Variants in DISC1 observed in about 807,000 individuals in gnomAD.
The protein encoded by DISC1 is DISC1 scaffold protein.
DISC1 carries 57 observed loss-of-function variants against 84.5 expected under a neutral mutation model. The observed-to-expected ratio is 0.67, with a 90% confidence interval of 0.55 to 0.84. The LOEUF is 0.84. DISC1 is among the 40% of genes least tolerant of loss of function. The pLI is 0.00. For synonymous variants in DISC1, 411 were observed against 415.2 expected, an observed-to-expected ratio of 0.99 and a Z score of 0.12; for missense variants, 1,000 against 1,057.8, an observed-to-expected ratio of 0.95 and a Z score of 0.76.
chr1:231,804,785 T>G (rs1269001060), intron 8 of DISC1, among the ~76,000 whole-genome samples: 1 of 152,108 alleles, frequency 6.6e-6, no homozygotes, highest in African/African-American at 2.4e-5. Flanking sequence ...TCAGAGTTGG[T>G]TAGGACCAGG....
At chr1:231,723,352 A>G in intron 3 of DISC1, 1 of 985,890 alleles carries the variant, frequency 1.0e-6, no homozygotes, top group Non-Finnish European at 1.2e-6. Flanking sequence ...TCCTGCAGGA[A>G]GACCTGTAAA....
intron 9 of DISC1, chr1:231,818,791 C>G: frequency 7.9e-7 from 1 of 1,271,288 alleles, no homozygotes; most frequent in Non-Finnish European, 1.0e-6. Context: ...TTATTTAGAG[C>G]AGTCTCTCCC....
chr1:231,814,148 G>A (rs2080634634), intron 8 of DISC1, among the ~76,000 whole-genome samples: 1 of 152,154 alleles, frequency 6.6e-6, no homozygotes, highest in Non-Finnish European at 1.5e-5. Flanking sequence ...TGCCTGCTAA[G>A]TAACAATAAA....
At chr1:231,910,622 G>A (rs566677452) in intron 9 of DISC1, among the ~76,000 whole-genome samples, 211 of 152,268 alleles carry the variant, frequency 1.4e-3, no homozygotes, top group African/African-American at 4.8e-3. Flanking sequence ...GAATAAGTGC[G>A]ATGTGGTGCT....
chr1:231,910,631 C>T (rs921625410), intron 9 of DISC1, among the ~76,000 whole-genome samples: 7 of 152,154 alleles, frequency 4.6e-5, no homozygotes, highest in Admixed American at 2.6e-4. Context: ...CGATGTGGTG[C>T]TGAGAAGAAT....
At chr1:231,887,121 A>G (rs978349772) in intron 9 of DISC1, among the ~76,000 whole-genome samples, 4 of 151,862 alleles carry the variant, frequency 2.6e-5, no homozygotes, top group African/African-American at 9.7e-5. Context: ...CAGCCTCCCA[A>G]AGTGCTGGGA....
chr1:231,950,100 C>CTT (rs934197699), intron 9 of DISC1, among the ~76,000 whole-genome samples: 1 of 151,928 alleles, frequency 6.6e-6, no homozygotes, highest in Non-Finnish European at 1.5e-5. Flanking sequence ...TGGATTGGGG[C>CTT]TTGTTTTAAA....
At chr1:231,782,167 A>G (rs201305347) in intron 6 of DISC1, among the ~76,000 whole-genome samples, 1 of 152,188 alleles carries the variant, frequency 6.6e-6, no homozygotes, top group Non-Finnish European at 1.5e-5. Flanking sequence ...CTCTTTGGCA[A>G]ATTTCCTCAG....
At chr1:231,968,826 A>G (rs989990176) in intron 10 of DISC1, among the ~76,000 whole-genome samples, 2 of 152,120 alleles carry the variant, frequency 1.3e-5, no homozygotes, top group Non-Finnish European at 2.9e-5. Context: ...CTGGAATCAG[A>G]TAGTCTAGAT....
intron 9 of DISC1, among the ~76,000 whole-genome samples, chr1:231,910,698 G>A (rs1359304188): frequency 1.3e-5 from 2 of 152,166 alleles, no homozygotes; most frequent in Non-Finnish European, 2.9e-5. Context: ...GGTCTGCTTG[G>A]TGTGGAGCTG....
chr1:231,804,149 A>C (rs922519448), intron 8 of DISC1, among the ~76,000 whole-genome samples: 1 of 152,080 alleles, frequency 6.6e-6, no homozygotes, highest in Non-Finnish European at 1.5e-5. Flanking sequence ...TAACCACTGC[A>C]GTGTTACTTC....
intron 1 of DISC1, among the ~76,000 whole-genome samples, chr1:231,656,150 T>A (rs891779982): frequency 6.6e-6 from 1 of 152,168 alleles, no homozygotes; most frequent in Non-Finnish European, 1.5e-5. Flanking sequence ...TAGTTATAAA[T>A]TCTTTGCCTA....
chr1:231,642,019 G>T (rs2059740305), intron 1 of DISC1, among the ~76,000 whole-genome samples: 1 of 152,214 alleles, frequency 6.6e-6, no homozygotes, highest in Non-Finnish European at 1.5e-5. Context: ...TGTCGGGGAG[G>T]CTCGGGCTGC....
chr1:232,026,762 C>CTTTTTTT (rs545455868), intron 12 of DISC1, among the ~76,000 whole-genome samples: 1,435 of 110,572 alleles, frequency 0.013, no homozygotes, highest in Non-Finnish European at 0.021. Flanking sequence ...TTTCTTTTTT[C>CTTTTTTT]TTTTTTTTTT....
chr1:231,728,065 A>G (rs969214522), intron 3 of DISC1, among the ~76,000 whole-genome samples: 2 of 152,288 alleles, frequency 1.3e-5, no homozygotes, highest in Admixed American at 6.5e-5. Context: ...AAGCAGATAA[A>G]TCAGTTTTAA....
chr1:231,701,512 A>G (rs756337049), intron 2 of DISC1, among the ~76,000 whole-genome samples: 22 of 152,166 alleles, frequency 1.4e-4, no homozygotes, highest in Non-Finnish European at 2.6e-4. Context: ...CATCATTCTT[A>G]CTCAAGCCTT....
At position 231,702,123 on chromosome 1, in the gene DISC1, A is replaced by G. The variant is rs961459425; in HGVS notation, c.1117+99A>G. The G allele has an allele frequency of 6.0e-6, 9 of 1,501,902 alleles. No homozygotes were observed. The Admixed American group carries it at 1.8e-4, about 30-fold the overall frequency. The allele number at this position is 1,501,902 out of a possible 1,614,324, so 93.0% of individuals were successfully genotyped here. ...CTTTTGAATCCCAAAAGAATTGTAC[A>G]ATCTGTTCCTCTGATCATCTCTACC... On this transcript the variant is annotated intron_variant, in intron 3 of 12. Transcript: ENST00000439617.
intron 5 of DISC1, among the ~76,000 whole-genome samples, chr1:231,768,903 CAGAAATTTCTGCAAG>C (rs2076357036): frequency 2.0e-5 from 3 of 152,106 alleles, no homozygotes; most frequent in Admixed American, 6.5e-5. Flanking sequence ...GTAGGCCTTG[CAGAAATTTCTGCAAG>C]AGGATCCTGC....
At chr1:231,815,784 G>A (rs2080896023) in intron 8 of DISC1, among the ~76,000 whole-genome samples, 1 of 151,578 alleles carries the variant, frequency 6.6e-6, no homozygotes, top group African/African-American at 2.4e-5. Context: ...ACATGTTGCT[G>A]CATGTATGAC....
Sources: gnomAD v4.1 joint callset for allele counts (sites outside exome capture counted in the v4.1 genomes callset) on GRCh38, gnomAD v4.1.1 for gene constraint, MANE v1.5 for transcripts, NCBI Gene and HGNC (gene_info 2026-07-23, HGNC 2026-07-21) for gene names.